CUL4B: variants seen among roughly 807,000 people sequenced by gnomAD.
CUL4B encodes cullin 4B, also known as cullin-4B.
Under a neutral mutation model 69.2 loss-of-function variants are expected in CUL4B, and 1 was observed. That is an observed-to-expected ratio of 0.01 (90% CI 0.01 to 0.07). The LOEUF (loss-of-function observed/expected upper bound fraction) is 0.07. CUL4B is among the 10% of genes least tolerant of loss of function. CUL4B has a pLI of 1.00. For synonymous variants in CUL4B, 237 were observed against 223.2 expected (o/e 1.06, Z -0.55); for missense variants, 328 against 638.8 (o/e 0.51, Z 5.24).
At chrX:120,532,347 A>C in intron 18 of CUL4B, 75 bp downstream of exon 18, 1 of 828,328 alleles carries the variant, frequency 1.2e-6, no homozygotes, top group Admixed American at 2.6e-5. Context: ...TACAGGTATA[A>C]AAATCTTTAT....
At chrX:120,556,624 T>C (rs1249919660) in intron 2 of CUL4B, among the ~76,000 whole-genome samples, 13 of 109,625 alleles carry the variant, frequency 1.2e-4, no homozygotes, top group African/African-American at 3.3e-4. Flanking sequence ...AAGACTGCTG[T>C]AGCCCTGGAG....
intron 2 of CUL4B, among the ~76,000 whole-genome samples, 171 bp downstream of exon 2, chrX:120,557,753 T>C (rs1925063872): frequency 8.9e-6 from 1 of 111,887 alleles, no homozygotes; most frequent in African/African-American, 3.3e-5. Context: ...ACTGTACCCA[T>C]GGTTTATGTG....
upstream of CUL4B, chrX:120,561,360 C>G (rs375476231): frequency 5.3e-6 from 3 of 563,366 alleles, no homozygotes; most frequent in Admixed American, 2.2e-5. Context: ...CTTCGCGCCG[C>G]AGCGCCCTTA....
chrX:120,540,611 G>T lies in CUL4B; in HGVS notation c.1444-49C>A. 3 of 886,294 alleles carry T rather than the reference G, an allele frequency of 3.4e-6. No homozygotes were observed. In the East Asian group the frequency reaches 9.4e-5, roughly 28 times the overall value. 73.0% of individuals were successfully genotyped at this position (886,294 alleles called of 1,213,427 possible). On this transcript the variant is annotated intron_variant, in intron 10 of 19. Transcript: ENST00000371322. ...TTACTGTAATCGAATTGTCTACAAT[G>T]AAAACAATCCCCAAATCATATTTTA...
At chrX:120,542,004 G>A (rs971155278) in intron 9 of CUL4B, among the ~76,000 whole-genome samples, 2 of 110,786 alleles carry the variant, frequency 1.8e-5, no homozygotes, top group Admixed American at 1.9e-4. Flanking sequence ...TGAGGCAGGA[G>A]GATCAATTGA....
intron 13 of CUL4B, 106 bp downstream of exon 13, chrX:120,538,554 T>C (rs979964825): frequency 5.3e-5 from 31 of 582,991 alleles, no homozygotes; most frequent in Non-Finnish European, 8.5e-5. Flanking sequence ...TTTCATCATA[T>C]ATACATAGAC....
At chrX:120,549,586 C>T (rs1210018614) in intron 2 of CUL4B, among the ~76,000 whole-genome samples, 1 of 111,106 alleles carries the variant, frequency 9.0e-6, no homozygotes, top group Non-Finnish European at 1.9e-5. Context: ...CAGAGCAGAG[C>T]TTAAAGGAAA....
At chrX:120,528,055 T>G (rs749304213) in intron 19 of CUL4B, among the ~76,000 whole-genome samples, 1 of 112,176 alleles carries the variant, frequency 8.9e-6, no homozygotes, top group African/African-American at 3.2e-5. Context: ...CACCTTTACT[T>G]TGGGCAAGAG....
chrX:120,530,337 A>G, intron 18 of CUL4B, 83 bp from the exon 19 acceptor site: 3 of 918,906 alleles, frequency 3.3e-6, no homozygotes, highest in Non-Finnish European at 4.7e-6. Flanking sequence ...TAGGGACATG[A>G]CATTGTTATT....
At chrX:120,549,030 C>G (rs1924512764) in intron 2 of CUL4B, among the ~76,000 whole-genome samples, 1 of 111,631 alleles carries the variant, frequency 9.0e-6, no homozygotes. Flanking sequence ...TTTAAAACAA[C>G]AGGCATGCTA....
downstream of CUL4B, among the ~76,000 whole-genome samples, chrX:120,570,119 G>C (rs1226594217): frequency 8.9e-6 from 1 of 111,965 alleles, no homozygotes; most frequent in Non-Finnish European, 1.9e-5. Flanking sequence ...CCTACTTGCT[G>C]TTGGAGCTGT....
At chrX:120,553,841 CTTA>C (rs1326161490) in intron 2 of CUL4B, among the ~76,000 whole-genome samples, 28 of 112,067 alleles carry the variant, frequency 2.5e-4, no homozygotes, top group African/African-American at 7.8e-4. Context: ...TAAAATATTA[CTTA>C]TTAATAGTAA....
chrX:120,560,644 T>C lies in CUL4B; in HGVS notation c.-6A>G, dbSNP rs903887861. The C allele has an allele frequency of 1.7e-6, 2 of 1,196,583 alleles. No individual in the cohort carries two copies. Among genetic ancestry groups the C allele is most frequent in the African/African-American group, 1.8e-5 (1 of 56,214 alleles). On this transcript the variant is annotated 5_prime_UTR_variant, in exon 1 of 20. Transcript: ENST00000371322. ...GAAAAACCTGTTGGAAACATGAAAA[T>C]AGCGGGGTCAACAGGCAGAGGAGCA...
chrX:120,566,365 A>ATATATATG (rs1569398178), upstream of CUL4B, among the ~76,000 whole-genome samples: 1 of 58,770 alleles, frequency 1.7e-5, no homozygotes, highest in African/African-American at 5.2e-5. Flanking sequence ...ATATATATAT[A>ATATATATG]TATATATATA....
chrX:120,561,422 C>T (rs746853290), upstream of CUL4B: 2 of 555,711 alleles, frequency 3.6e-6, no homozygotes, highest in Non-Finnish European at 6.6e-6. Flanking sequence ...CCGAAGCCCC[C>T]AGGTCCGCAG....
At chrX:120,574,532 T>C in intron 2 of CUL4B, 1 of 1,176,875 alleles carries the variant, frequency 8.5e-7, no homozygotes, top group Non-Finnish European at 1.2e-6. Context: ...TCTTGAGTTT[T>C]ACTAGTTCAT....
upstream of CUL4B, among the ~76,000 whole-genome samples, chrX:120,566,345 G>GTATGTA: frequency 2.4e-5 from 1 of 40,966 alleles, no homozygotes; most frequent in African/African-American, 9.8e-5. Context: ...GTGTGTATAG[G>GTATGTA]TATATATATA....
upstream of CUL4B, among the ~76,000 whole-genome samples, chrX:120,566,367 ATATATATATATATATATATATATG>A (rs1162143141): frequency 1.8e-5 from 1 of 57,140 alleles, no homozygotes; most frequent in Non-Finnish European, 3.7e-5. Flanking sequence ...ATATATATAT[ATATATATATATATATATATATATG>A]TATATATATT....
intron 4 of CUL4B, 58 bp from the exon 5 acceptor site, chrX:120,545,575 T>G: frequency 1.2e-6 from 1 of 810,774 alleles, no homozygotes; most frequent in East Asian, 3.4e-5. Context: ...GCTGAAATAT[T>G]TGCTTTCAAT....
Sources: gnomAD v4.1 joint callset for allele counts (sites outside exome capture counted in the v4.1 genomes callset) on GRCh38, gnomAD v4.1.1 for gene constraint, MANE v1.5 for transcripts, NCBI Gene and HGNC (gene_info 2026-07-23, HGNC 2026-07-21) for gene names.